The following ALMS1 variants were observed in gnomAD, a reference collection of about 807,000 sequenced individuals.
The protein encoded by ALMS1 is centrosome-associated protein ALMS1.
Under a neutral mutation model 352.2 loss-of-function variants are expected in ALMS1, and 271 were observed. The ratio of observed to expected loss-of-function variants is 0.77; its 90% CI spans 0.70 to 0.85. The LOEUF (loss-of-function observed/expected upper bound fraction) is 0.85. Among genes scored for constraint, ALMS1 ranks in the 40% least tolerant of loss-of-function variants. The probability of loss-of-function intolerance (pLI) is 0.00; values close to 1 mark genes in which losing one functional copy is unlikely to be tolerated. For missense variants in ALMS1, 5,445 were observed against 4,870.7 expected (o/e 1.12, Z -3.51); for synonymous variants, 1,865 against 1,761.2 (o/e 1.06, Z -1.48).
Position 73,576,075 on chromosome 2 carries a change from T to G in ALMS1, c.11547+2651T>G, listed in dbSNP as rs1244234610. 2.0e-5 allele frequency among the ~76,000 whole-genome samples: 3 copies of G among 152,256 alleles called. No homozygotes were observed. In the East Asian group the frequency reaches 5.8e-4, roughly 29 times the overall value. ...TCTCAACATCGTTTGTTGAAAAGAC[T>G]TTTTTTCCCCATTGAATGTTCTTGG... On this transcript the variant is annotated intron_variant, in intron 16 of 22. Transcript: ENST00000613296.
rs190319211 is a variant in ALMS1, at chr2:73,453,544, G to A, written c.7017G>A (p.Gln2339=). Residue 2339 remains glutamine (Q), a synonymous_variant, in exon 8 of 23, where the codon CAG becomes CAA. Coordinates refer to ENST00000613296, the MANE Select transcript of ALMS1 (RefSeq NM_001378454.1). ...SRCIQKDIGT[Q]TNLKCRRGIE... is the part of the protein sequence containing the mutation. ...GCATACAGAAGGATATTGGCACACA[G>A]ACGAATTTGAAATGCCGGAGAGGCA... 6.8e-6 allele frequency: 11 copies of A among 1,613,828 alleles called. No individual in the cohort carries two copies. In the African/African-American group the frequency reaches 1.5e-4, roughly 22 times the overall value.
rs989080548 is a variant in ALMS1 at position 73,422,919 on chromosome 2, G to T, written c.709G>T (p.Glu237Ter). ...PLLTCLTQDQ[E>*]FAPDSLFHQS... ...GCTGACCTGTTTGACACAAGACCAA[G>T]AATTTGCGCCTGATTCTTTATTTCA... The change falls in exon 4 of 23, where the codon GAA becomes TAA. Residue 237 changes from glutamate to a stop codon, truncating the protein, a stop_gained. Transcript: ENST00000613296. LOFTEE classifies it high-confidence loss of function. 4.3e-6 allele frequency: 7 copies of T among 1,613,600 alleles called. No homozygotes were observed.
rs1558651751 is a variant in ALMS1, at chr2:73,453,922, G to T, written c.7395G>T (p.Val2465=). The change falls in exon 8 of 23, where the codon GTG becomes GTT. Residue 2465 remains valine, a synonymous_variant. Coordinates refer to ENST00000613296, the MANE Select transcript of ALMS1 (RefSeq NM_001378454.1). ...CAGATAGCAGGGAGGAAGAGGGTGT[G>T]TCAGAGAGTGAGGATGGTGGTGGTA... ...SITDSREEEG[V]SESEDGGGSS... is the part of the protein sequence containing the mutation. 2 of 1,614,100 alleles carry T rather than the reference G, an allele frequency of 1.2e-6. No homozygotes were observed. Among genetic ancestry groups the T allele is most frequent in the Non-Finnish European group, 8.5e-7 (1 of 1,180,004 alleles).
chr2:73,548,572 G>A (rs938725320), intron 12 of ALMS1, among the ~76,000 whole-genome samples: 3 of 152,196 alleles, frequency 2.0e-5, no homozygotes, highest in Non-Finnish European at 2.9e-5. Flanking sequence ...ACATGCTGCT[G>A]CTGGTGTGTA....
At position 73,432,269 on chromosome 2, in the gene ALMS1, G is replaced by A. The variant is rs1349981308; in HGVS notation, c.1410G>A (p.Lys470=). The change falls in exon 7 of 23, where the codon AAG becomes AAA. Residue 470 remains lysine, a synonymous_variant. Coordinates refer to ENST00000613296, the MANE Select transcript of ALMS1 (RefSeq NM_001378454.1). ...GGATGTCTCCTGACACTGTGCCAAA[G>A]GCTCCTAAACATTTAAAAGCAGGTA... The part of the protein sequence containing the change: ...MLRMSPDTVP[K]APKHLKAGDT... 6.2e-7 allele frequency: 1 copy of A among 1,612,600 alleles called. No homozygotes were observed. Among genetic ancestry groups the A allele is most frequent in the Non-Finnish European group, 8.5e-7 (1 of 1,178,812 alleles).
At chr2:73,495,268 T>C (rs1233101927) in intron 10 of ALMS1, among the ~76,000 whole-genome samples, 1 of 152,126 alleles carries the variant, frequency 6.6e-6, no homozygotes, top group Non-Finnish European at 1.5e-5. Context: ...GGAGTCTTGC[T>C]CTGTCACCCA....
intron 16 of ALMS1, among the ~76,000 whole-genome samples, chr2:73,577,826 T>G (rs1675085005): frequency 6.6e-6 from 1 of 152,200 alleles, no homozygotes; most frequent in African/African-American, 2.4e-5. Flanking sequence ...CCTTGAGAAT[T>G]TTATGTGCAT....
chr2:73,454,169 A>G (rs1484503281), intron 8 of ALMS1, 102 bp downstream of exon 8: 1 of 1,500,154 alleles, frequency 6.7e-7, no homozygotes, highest in Non-Finnish European at 8.9e-7. Flanking sequence ...AAATACAAGC[A>G]AGATCAAGAA....
intron 9 of ALMS1, among the ~76,000 whole-genome samples, chr2:73,464,062 A>G (rs568869915): frequency 2.2e-4 from 34 of 152,350 alleles, no homozygotes; most frequent in East Asian, 1.5e-3. Context: ...TCCAATCAAT[A>G]GAAAAAGAGG....
intron 9 of ALMS1, among the ~76,000 whole-genome samples, chr2:73,489,239 A>G (rs1016222127): frequency 9.2e-5 from 14 of 152,266 alleles, no homozygotes; most frequent in African/African-American, 3.4e-4. Flanking sequence ...CATTGGTGTC[A>G]GTCTAGTAAT....
In ALMS1 at chr2:73,491,466, C is replaced by A. The variant is rs2103896514; in HGVS notation, c.9507C>A (p.Ser3169=). Residue 3169 remains serine, a synonymous_variant, in exon 10 of 23, where the codon TCC becomes TCA. Coordinates refer to ENST00000613296, the MANE Select transcript of ALMS1 (RefSeq NM_001378454.1). ...ACATTTCAGATTTCGAAGGACATTC[C>A]AATCCAGAGGGGACCCCAGTATTTG... ...QVNISDFEGH[S]NPEGTPVFAD... 6.2e-7 allele frequency: 1 copy of A among 1,614,058 alleles called. No individual in the cohort carries two copies. Among genetic ancestry groups the A allele is most frequent in the Non-Finnish European group, 8.5e-7 (1 of 1,179,994 alleles).
At chr2:73,544,983 T>G (rs1473210838) in intron 12 of ALMS1, among the ~76,000 whole-genome samples, 3 of 152,210 alleles carry the variant, frequency 2.0e-5, no homozygotes, top group African/African-American at 7.2e-5. Flanking sequence ...AAAGTCAGAT[T>G]CATGGAGACA....
intron 2 of ALMS1, among the ~76,000 whole-genome samples, chr2:73,414,105 A>G (rs1329428186): frequency 1.3e-5 from 2 of 152,182 alleles, no homozygotes; most frequent in East Asian, 1.9e-4. Flanking sequence ...CTATAAATCA[A>G]TTTGAAAATA....
chr2:73,414,473 G>GTTTTTTTTTTTTTGTTTTTTTTTTTTTT (rs1671141449), intron 2 of ALMS1, among the ~76,000 whole-genome samples: 2 of 66,416 alleles, frequency 3.0e-5, no homozygotes, highest in African/African-American at 4.3e-5. Context: ...CTTTTTTTCC[G>GTTTTTTTTTTTTTGTTTTTTTTTTTTTT]TTTTTTTTTT....
chr2:73,598,059 G>T (rs1675589750), intron 16 of ALMS1, among the ~76,000 whole-genome samples: 1 of 152,188 alleles, frequency 6.6e-6, no homozygotes, highest in Admixed American at 6.5e-5. Context: ...GTTGTCAAAT[G>T]CAAGATGTAC....
At chr2:73,575,910 A>G (rs1675043949) in intron 16 of ALMS1, among the ~76,000 whole-genome samples, 1 of 151,940 alleles carries the variant, frequency 6.6e-6, no homozygotes, top group Non-Finnish European at 1.5e-5. Flanking sequence ...TGCCAAATCC[A>G]GTGTCGTGAA....
intron 9 of ALMS1, among the ~76,000 whole-genome samples, chr2:73,466,810 G>A (rs1364349059): frequency 6.6e-6 from 1 of 152,176 alleles, no homozygotes; most frequent in East Asian, 1.9e-4. Context: ...GGACCTTCAT[G>A]ACTGAGATGA....
chr2:73,593,902 T>C (rs923029149), intron 16 of ALMS1, among the ~76,000 whole-genome samples: 2 of 152,264 alleles, frequency 1.3e-5, no homozygotes, highest in Non-Finnish European at 2.9e-5. Flanking sequence ...GTACACCTCA[T>C]AGCATGTGCT....
chr2:73,477,322 C>T (rs1275804155), intron 9 of ALMS1, among the ~76,000 whole-genome samples: 4 of 152,022 alleles, frequency 2.6e-5, no homozygotes. Context: ...TCTGGACTGT[C>T]GGTTCTATGC....
Sources: allele counts gnomAD v4.1 joint callset (sites outside exome capture counted in the v4.1 genomes callset), GRCh38; gene constraint gnomAD v4.1.1; transcripts MANE v1.5; gene names NCBI Gene and HGNC (gene_info 2026-07-23, HGNC 2026-07-21).